Variants in C1orf159 observed in about 807,000 individuals in gnomAD.
The protein encoded by C1orf159 is uncharacterized protein C1orf159.
C1orf159 carries 19 observed loss-of-function variants against 25.6 expected under a neutral mutation model. The observed-to-expected ratio is 0.74, with a 90% confidence interval of 0.52 to 1.09. The LOEUF (loss-of-function observed/expected upper bound fraction) is 1.09, where lower values mean the gene tolerates loss of function less well. Among genes scored for constraint, C1orf159 ranks in the 50% least tolerant of loss-of-function variants. The pLI is 0.00. For missense variants in C1orf159, 274 were observed against 290.6 expected, an observed-to-expected ratio of 0.94 and a Z score of 0.42; for synonymous variants, 139 against 124.7, an observed-to-expected ratio of 1.12 and a Z score of -0.77.
At chr1:1,107,826 C>G (rs1646195790) in intron 1 of C1orf159, among the ~76,000 whole-genome samples, 1 of 152,088 alleles carries the variant, frequency 6.6e-6, no homozygotes, top group Non-Finnish European at 1.5e-5. Context: ...GTCTGCACTG[C>G]CTTTATGAGC....
intron 1 of C1orf159, among the ~76,000 whole-genome samples, chr1:1,099,783 G>GGA (rs1303463022): frequency 7.5e-5 from 6 of 80,416 alleles, no homozygotes; most frequent in South Asian, 3.8e-4. Context: ...TCTAAGAATC[G>GGA]GAGAGAGAGG....
chr1:1,090,315 G>A (rs1195740805), intron 4 of C1orf159, 38 bp downstream of exon 4: 2 of 1,546,832 alleles, frequency 1.3e-6, no homozygotes, highest in South Asian at 1.2e-5. Context: ...AGTGGCTCAG[G>A]GGCCGGTCTG....
Position 1,105,766 on chromosome 1 carries a change from C to T in C1orf159, c.-136+10294G>A, listed in dbSNP as rs149300161. Among the ~76,000 whole-genome samples the T allele has an allele frequency of 5.2e-3, 796 of 151,910 alleles. 7 individuals are homozygous for T. Among genetic ancestry groups the T allele is most frequent in the South Asian group, 0.014 (67 of 4,804 alleles). On this transcript the variant is annotated intron_variant, in intron 1 of 9. Transcript: ENST00000421241. Reference sequence around the variant, plus strand: ...GCGGGCGCCTGTAGTCCCAGCTACTCGGGAGGCTGAGGCAGGAGAATAGCA... The same window carrying T: ...GCGGGCGCCTGTAGTCCCAGCTACTTGGGAGGCTGAGGCAGGAGAATAGCA...
In C1orf159 at chr1:1,087,456, A is replaced by T. The variant is rs980405413; in HGVS notation, c.244+46T>A. 8 of 1,497,124 alleles carry T rather than the reference A, an allele frequency of 5.3e-6. No homozygotes were observed. In the African/African-American group the frequency reaches 9.8e-5, roughly 18 times the overall value. 92.7% of individuals were successfully genotyped at this position (1,497,124 alleles called of 1,614,324 possible). ...CAGCAACTCCCACAGTGTCTCCCAC[A>T]GCTGGAGCTGTGAGAAGGGAGCCGG... is the stretch of plus-strand genomic sequence containing the variant. On this transcript the variant is annotated intron_variant, in intron 5 of 9. Transcript: ENST00000421241. This position sits in a 1 kb window ranked among gnomAD's most constrained non-coding sequence, Gnocchi z 8.3.
intron 4 of C1orf159, among the ~76,000 whole-genome samples, chr1:1,088,136 C>T (rs1392455063): frequency 6.9e-6 from 1 of 144,164 alleles, no homozygotes; most frequent in East Asian, 2.1e-4. Flanking sequence ...GCAACGCCTG[C>T]CCCAGGCCTC....
chr1:1,095,469 C>T (rs184553885), intron 1 of C1orf159, among the ~76,000 whole-genome samples: 15 of 152,224 alleles, frequency 9.9e-5, no homozygotes, highest in Non-Finnish European at 1.2e-4. Context: ...TTTCATGTTC[C>T]GATAGTTTGC....
At chr1:1,112,804 C>A (rs1285625046) in intron 1 of C1orf159, among the ~76,000 whole-genome samples, 1 of 152,278 alleles carries the variant, frequency 6.6e-6, no homozygotes, top group Non-Finnish European at 1.5e-5. Context: ...AAACCGCACA[C>A]CTGATCTCTC....
At chr1:1,109,578 C>T (rs572272395) in intron 1 of C1orf159, among the ~76,000 whole-genome samples, 4 of 152,222 alleles carry the variant, frequency 2.6e-5, no homozygotes, top group Non-Finnish European at 4.4e-5. Context: ...GCAACTCTCC[C>T]GCCTCAGCCT....
intron 1 of C1orf159, among the ~76,000 whole-genome samples, chr1:1,101,421 T>A (rs1337389379): frequency 6.6e-6 from 1 of 152,152 alleles, no homozygotes; most frequent in Non-Finnish European, 1.5e-5. Flanking sequence ...AGGCAGAGGT[T>A]GCAGTAAGCT....
At chr1:1,106,034 A>C (rs1028508783) in intron 1 of C1orf159, 7 of 152,234 alleles carry the variant, frequency 4.6e-5, no homozygotes, top group African/African-American at 1.7e-4. Flanking sequence ...AGTACATTTA[A>C]TCTCCAGAGG....
intron 1 of C1orf159, among the ~76,000 whole-genome samples, chr1:1,096,593 C>T (rs9651270): frequency 0.27 from 41,198 of 152,122 alleles, 7,250 homozygotes; most frequent in African/African-American, 0.51. Context: ...GTAGGTTCTC[C>T]GGTAATTAAT....
chr1:1,115,368 C>T (rs1350177955), intron 1 of C1orf159, among the ~76,000 whole-genome samples: 6 of 152,182 alleles, frequency 3.9e-5, no homozygotes, highest in African/African-American at 1.2e-4. Context: ...GGGAAAAAGA[C>T]CTGAATCGTG....
chr1:1,109,960 G>C (rs1016623460), intron 1 of C1orf159, among the ~76,000 whole-genome samples: 8 of 152,218 alleles, frequency 5.3e-5, no homozygotes, highest in African/African-American at 1.9e-4. Flanking sequence ...TGAAATGGGG[G>C]GTCAGTTAGT....
intron 9 of C1orf159, chr1:1,083,396 G>A (rs574400958): frequency 9.6e-6 from 2 of 207,740 alleles, no homozygotes; most frequent in Admixed American, 5.2e-5. Context: ...AGGTGTGATC[G>A]CCCAGGGTTC....
At chr1:1,114,672 G>A (rs918582357) in intron 1 of C1orf159, among the ~76,000 whole-genome samples, 2 of 152,204 alleles carry the variant, frequency 1.3e-5, no homozygotes, top group South Asian at 2.1e-4. Flanking sequence ...TAAAAACAAC[G>A]TGGCCATGAC....
chr1:1,095,854 T>C (rs1034549143), intron 1 of C1orf159, among the ~76,000 whole-genome samples: 3 of 152,208 alleles, frequency 2.0e-5, no homozygotes, highest in African/African-American at 7.2e-5. Flanking sequence ...CTATTCTTAG[T>C]TTACTGAGGT....
At chr1:1,090,756 C>T in intron 3 of C1orf159, 1 of 893,140 alleles carries the variant, frequency 1.1e-6, no homozygotes, top group Admixed American at 2.0e-5. Context: ...GGAGGCTCTC[C>T]ATCAGGGGTT....
rs1259055272 is a variant in C1orf159 at position 1,091,574 on chromosome 1, G to C, written c.-22-9C>G. On this transcript the variant is annotated splice_polypyrimidine_tract_variant and intron_variant, in intron 2 of 9. Transcript: ENST00000421241. ...GAGCAGATGCGCAGAGCCTGCCACA[G>C]GGAGGAGCATGCGGAGCCAAAGAGA... 1 of 1,543,948 alleles carries C rather than the reference G, an allele frequency of 6.5e-7. No individual in the cohort carries two copies.
chr1:1,102,784 T>A (rs1163900991), intron 1 of C1orf159, among the ~76,000 whole-genome samples: 1 of 150,816 alleles, frequency 6.6e-6, no homozygotes, highest in East Asian at 2.0e-4. Flanking sequence ...GGTGACAGAG[T>A]AGAACTGTCT....
Sources: gnomAD v4.1 joint callset for allele counts (sites outside exome capture counted in the v4.1 genomes callset) on GRCh38, gnomAD v4.1.1 for gene constraint, Gnocchi (gnomAD v3.1) non-coding constraint, MANE v1.5 for transcripts, NCBI Gene and HGNC (gene_info 2026-07-23, HGNC 2026-07-21) for gene names.